KLF6: variants seen among roughly 807,000 people sequenced by gnomAD.
KLF6 encodes the protein KLF transcription factor 6.
For missense variants in KLF6, 233 were observed against 359.8 expected (o/e 0.65, Z 2.85); for synonymous variants, 152 against 147.9 (o/e 1.03, Z -0.20).
rs1192758841 is a variant in KLF6 at position 3,780,569 on chromosome 10, T to C, written c.677-340A>G. The C allele has an allele frequency of 4.0e-5, 16 of 396,422 alleles. No homozygotes were observed. Among genetic ancestry groups the C allele is most frequent in the Non-Finnish European group, 7.7e-5 (16 of 207,248 alleles). 24.6% of individuals were successfully genotyped at this position (396,422 alleles called of 1,614,324 possible). A position where few individuals can be genotyped will look rare whatever the true frequency, so the allele number is the denominator to read the frequency against. Reference sequence around the variant, plus strand: ...CCCACAGCCCCGGCAAAGGCAGAGCTATTGCTTTCTTCATGGCAACTGTTT... The same window carrying C: ...CCCACAGCCCCGGCAAAGGCAGAGCCATTGCTTTCTTCATGGCAACTGTTT... On this transcript the variant is annotated intron_variant, in intron 2 of 3. Transcript: ENST00000497571. The surrounding 1 kb of genome is among the most constrained non-coding windows in gnomAD (Gnocchi z 4.6).
At chr10:3,779,902 C>T (rs888925869) in intron 3 of KLF6, among the ~76,000 whole-genome samples, 1 of 152,252 alleles carries the variant, frequency 6.6e-6, no homozygotes, top group African/African-American at 2.4e-5. Flanking sequence ...ACTCCAATGT[C>T]AGGTGTATGT....
At position 3,781,737 on chromosome 10, in the gene KLF6, C is replaced by G; in HGVS notation, c.580G>C (p.Asp194His). 6.2e-7 allele frequency: 1 copy of G among 1,614,204 alleles called. No homozygotes were observed. Among genetic ancestry groups the G allele is most frequent in the Non-Finnish European group, 8.5e-7 (1 of 1,180,030 alleles). Residue 194 changes from aspartate to histidine, a missense_variant, in exon 2 of 4, where the codon GAC (aspartate) becomes CAC (histidine). Coordinates refer to ENST00000497571, the MANE Select transcript of KLF6 (RefSeq NM_001300.6). This position sits in a 1 kb window ranked among gnomAD's most constrained non-coding sequence, Gnocchi z 5.8. ...CACCGGTGCACCCTCCTCCTGCCGT[C>G]GGGGGAGGCATCGCCATTTCCCTTG... ...GDKGNGDASPDGRRRVHRCHF... is the reference protein window; with the variant it reads ...GDKGNGDASPHGRRRVHRCHF...
At position 3,779,232 on chromosome 10, in the gene KLF6, C is replaced by T. The variant is rs1168476336; in HGVS notation, c.*307G>A. 1.7e-6 allele frequency: 1 copy of T among 580,544 alleles called. No individual in the cohort carries two copies. The highest frequency in any genetic ancestry group is 3.3e-6 in the Non-Finnish European group (1 of 307,426). The allele number at this position is 580,544 out of a possible 1,614,324, so 36.0% of individuals were successfully genotyped here. A position where few individuals can be genotyped will look rare whatever the true frequency, so the allele number is the denominator to read the frequency against. On this transcript the variant is annotated 3_prime_UTR_variant, in exon 4 of 4. Transcript: ENST00000497571. ...CTCATCATACGGTCAGTAATAGATC[C>T]TCAACATACAATCAACCCAACCATT...
Position 3,779,289 on chromosome 10 carries a change from G to T in KLF6, c.*250C>A. ...CTCAGTGTGCATGCTCACGGCAAAG[G>T]CTTAGGCGCCGCTCGGAAGGGCGGG... On this transcript the variant is annotated 3_prime_UTR_variant, in exon 4 of 4. Transcript: ENST00000497571. The T allele has an allele frequency of 1.5e-6, 1 of 648,626 alleles. No homozygotes were observed. The highest frequency in any genetic ancestry group is 1.5e-5 in the South Asian group (1 of 66,156). The allele number at this position is 648,626 out of a possible 1,614,324, so 40.2% of individuals were successfully genotyped here. A position where few individuals can be genotyped will look rare whatever the true frequency, so the allele number is the denominator to read the frequency against.
chr10:3,781,874 G>A lies in KLF6; in HGVS notation c.443C>T (p.Pro148Leu). ...GKLSSSVTSTPPSSPELSREP... is the reference protein window; with the variant it reads ...GKLSSSVTSTLPSSPELSREP... ...CCTGCTCAGTTCCGGAGAAGATGGA[G>A]GCGTGGAGGTGACAGAGGAGCTCAA... Residue 148 changes from proline to leucine, a missense_variant, in exon 2 of 4, where the codon CCT becomes CTT. Physicochemically the swap from Pro to Leu is moderately conservative, Grantham distance 98 (BLOSUM62 -3). Coordinates refer to ENST00000497571, the MANE Select transcript of KLF6 (RefSeq NM_001300.6). This position sits in a 1 kb window ranked among gnomAD's most constrained non-coding sequence, Gnocchi z 5.8. The A allele has an allele frequency of 6.2e-7, 1 of 1,614,226 alleles. No homozygotes were observed. Among genetic ancestry groups the A allele is most frequent in the Non-Finnish European group, 8.5e-7 (1 of 1,180,046 alleles).
rs2131089080 is a variant in KLF6, at chr10:3,776,400, C to G, written c.*3139G>C. 1.9e-6 allele frequency: 1 copy of G among 532,044 alleles called. No homozygotes were observed. The highest frequency in any genetic ancestry group is 3.9e-5 in the East Asian group (1 of 25,500). The allele number at this position is 532,044 out of a possible 1,614,324, so 33.0% of individuals were successfully genotyped here. On this transcript the variant is annotated 3_prime_UTR_variant, in exon 4 of 4. Transcript: ENST00000497571. ...CTGACATCCTCTCCAGCTCCCAGGACAGGCTGTGGAAAGAGGAAGGGGCTG... is the reference window on the plus strand; with the variant it reads ...CTGACATCCTCTCCAGCTCCCAGGAGAGGCTGTGGAAAGAGGAAGGGGCTG...
Position 3,780,023 on chromosome 10 carries a change from G to A in KLF6, c.800+83C>T. The A allele has an allele frequency of 6.5e-7, 1 of 1,538,222 alleles. No homozygotes were observed. The highest frequency in any genetic ancestry group is 9.0e-7 in the Non-Finnish European group (1 of 1,114,574). ...GGAAACTGCATGCCTTCCTTCGAAT[G>A]TGCCCTGCACACCTACTCAACCCTG... On this transcript the variant is annotated intron_variant, in intron 3 of 3. Coordinates refer to ENST00000497571, the MANE Select transcript of KLF6 (RefSeq NM_001300.6). The surrounding 1 kb of genome is among the most constrained non-coding windows in gnomAD (Gnocchi z 4.6).
Position 3,782,140 on chromosome 10 carries a change from G to A in KLF6, c.177C>T (p.Ser59=), listed in dbSNP as rs777231476. 3.1e-6 allele frequency: 5 copies of A among 1,613,694 alleles called. No individual in the cohort carries two copies. Among genetic ancestry groups the A allele is most frequent in the East Asian group, 2.2e-5 (1 of 44,878 alleles). ...YVSASEIKFD[S]QEDLWTKIIL... Reference sequence around the variant, plus strand: ...TGATTTTGGTCCACAGATCTTCCTGGCTGTCAAATTTGATTTCTGAGGCTG... The same window carrying A: ...TGATTTTGGTCCACAGATCTTCCTGACTGTCAAATTTGATTTCTGAGGCTG... Residue 59 remains serine, a synonymous_variant, in exon 2 of 4, where the codon AGC becomes AGT. Transcript: ENST00000497571. This position sits in a 1 kb window ranked among gnomAD's most constrained non-coding sequence, Gnocchi z 4.3.
rs1039504110 is a variant in KLF6, at chr10:3,781,837, T to C, written c.480A>G (p.Gln160=). The change falls in exon 2 of 4, where the codon CAA becomes CAG. Residue 160 remains glutamine, a synonymous_variant. Transcript: ENST00000497571. The surrounding 1 kb of genome is among the most constrained non-coding windows in gnomAD (Gnocchi z 5.8). ...GCTCCCCGGGCACGCAACCCCACAG[T>C]TGAGAAGGTTCCCTGCTCAGTTCCG... ...SSPELSREPS[Q]LWGCVPGELP... is the part of the protein sequence containing the mutation. The C allele has an allele frequency of 2.9e-5, 47 of 1,614,102 alleles. No individual in the cohort carries two copies. Among genetic ancestry groups the C allele is most frequent in the Non-Finnish European group, 3.9e-5 (46 of 1,180,052 alleles).
chr10:3,778,133 T>G lies in KLF6; in HGVS notation c.*1406A>C. On this transcript the variant is annotated 3_prime_UTR_variant, in exon 4 of 4. Transcript: ENST00000497571. ...ACAAATACTGACATGTAAAGGGAGTTTCACTCTATGTCTTTGTGAAGGAGG... is the reference window on the plus strand; with the variant it reads ...ACAAATACTGACATGTAAAGGGAGTGTCACTCTATGTCTTTGTGAAGGAGG... 1 of 518,870 alleles carries G rather than the reference T, an allele frequency of 1.9e-6. No individual in the cohort carries two copies. The highest frequency in any genetic ancestry group is 2.2e-5 in the Admixed American group (1 of 44,510). The allele number at this position is 518,870 out of a possible 1,614,324, so 32.1% of individuals were successfully genotyped here.
intron 1 of KLF6, among the ~76,000 whole-genome samples, chr10:3,784,388 CAAAT>C (rs1832600289): frequency 1.3e-5 from 2 of 151,808 alleles, no homozygotes; most frequent in Admixed American, 6.6e-5. Flanking sequence ...GCAGGGAAGA[CAAAT>C]AAGGCAGATC....
At position 3,781,979 on chromosome 10, in the gene KLF6, G is replaced by C. The variant is rs779866252; in HGVS notation, c.338C>G (p.Ser113Cys). The change falls in exon 2 of 4, where the codon TCT becomes TGT. Residue 113 changes from serine (S) to cysteine (C), a missense_variant. Transcript: ENST00000497571. This position sits in a 1 kb window ranked among gnomAD's most constrained non-coding sequence, Gnocchi z 5.8. ...GGGAGAAAGTTCCTCGGAGCTGTCA[G>C]AGGATTCGCTGCTGACATCTGAGTT... is the stretch of plus-strand genomic sequence containing the variant. ...SLNSDVSSESSDSSEELSPTA... is the reference protein window; with the variant it reads ...SLNSDVSSESCDSSEELSPTA... The C allele has an allele frequency of 1.2e-6, 2 of 1,614,254 alleles. No individual in the cohort carries two copies. The highest frequency in any genetic ancestry group is 2.2e-5 in the South Asian group (2 of 91,086).
At position 3,782,868 on chromosome 10, in the gene KLF6, A is replaced by T. The variant is rs1368131492; in HGVS notation, c.103-654T>A. ...TATGTTTTCACAGAATGCCGTTCCC[A>T]AGTGCAGGCCCTTGCATGACACAGA... On this transcript the variant is annotated intron_variant, in intron 1 of 3. Coordinates refer to ENST00000497571, the MANE Select transcript of KLF6 (RefSeq NM_001300.6). This position sits in a 1 kb window ranked among gnomAD's most constrained non-coding sequence, Gnocchi z 4.3. Among the ~76,000 whole-genome samples, 4 of 152,234 alleles carry T rather than the reference A, an allele frequency of 2.6e-5. No homozygotes were observed. Among genetic ancestry groups the T allele is most frequent in the Non-Finnish European group, 5.9e-5 (4 of 68,032 alleles).
intron 1 of KLF6, among the ~76,000 whole-genome samples, chr10:3,783,616 C>CT (rs1421457685): frequency 6.6e-6 from 1 of 152,214 alleles, no homozygotes; most frequent in Non-Finnish European, 1.5e-5. Context: ...AACCAGGCGT[C>CT]TGAGTTACAA....
In KLF6 at chr10:3,781,784, C is replaced by A. The variant is rs754239177; in HGVS notation, c.533G>T (p.Gly178Val). The change falls in exon 2 of 4, where the codon GGG becomes GTG. Residue 178 changes from glycine to valine, a missense_variant. Physicochemically the swap from Gly to Val is moderately radical, Grantham distance 109. Transcript: ENST00000497571. The surrounding 1 kb of genome is among the most constrained non-coding windows in gnomAD (Gnocchi z 5.8). ...ELPSPGKVRS[G>V]TSGKPGDKGN... ...CTTGTCACCTGGCTTCCCCGAAGTCCCGCTGCGCACCTTCCCTGGCGAGGG... is the reference window on the plus strand; with the variant it reads ...CTTGTCACCTGGCTTCCCCGAAGTCACGCTGCGCACCTTCCCTGGCGAGGG... The A allele has an allele frequency of 6.2e-7, 1 of 1,614,244 alleles. No individual in the cohort carries two copies. Among genetic ancestry groups the A allele is most frequent in the Non-Finnish European group, 8.5e-7 (1 of 1,180,046 alleles).
chr10:3,776,119 G>C lies in KLF6; in HGVS notation c.*3420C>G, dbSNP rs188211173. Reference sequence around the variant, plus strand: ...ACCCCTCCCAGACATGCCTCAGCCAGGTGTGTGGCAGGGCTGGCTGGGGAA... The same window carrying C: ...ACCCCTCCCAGACATGCCTCAGCCACGTGTGTGGCAGGGCTGGCTGGGGAA... On this transcript the variant is annotated 3_prime_UTR_variant, in exon 4 of 4. Coordinates refer to ENST00000497571, the MANE Select transcript of KLF6 (RefSeq NM_001300.6). The C allele has an allele frequency of 3.8e-6, 2 of 530,270 alleles. No individual in the cohort carries two copies. The highest frequency in any genetic ancestry group is 3.9e-5 in the East Asian group (1 of 25,366). The allele number at this position is 530,270 out of a possible 1,614,324, so 32.8% of individuals were successfully genotyped here.
intron 1 of KLF6, chr10:3,783,411 C>A (rs1281316272): frequency 6.6e-6 from 1 of 152,254 alleles, no homozygotes; most frequent in Non-Finnish European, 1.5e-5. Context: ...ATTTCAGTTT[C>A]TACACCAAAC....
At chr10:3,779,967 TC>T in intron 3 of KLF6, 138 bp downstream of exon 3, 2 of 1,125,966 alleles carry the variant, frequency 1.8e-6, no homozygotes, top group South Asian at 1.3e-5. Context: ...TTCTAAAAAG[TC>T]CCAGGCTTGA....
Position 3,776,577 on chromosome 10 carries a change from A to G in KLF6, c.*2962T>C, listed in dbSNP as rs1423346328. ...ATGCTGATAAGAATTCTTTTATGTT[A>G]TTCCAATAAAAAATACATTCATACA... On this transcript the variant is annotated 3_prime_UTR_variant, in exon 4 of 4. Coordinates refer to ENST00000497571, the MANE Select transcript of KLF6 (RefSeq NM_001300.6). The G allele has an allele frequency of 1.5e-5, 8 of 521,494 alleles. No homozygotes were observed. The highest frequency in any genetic ancestry group is 2.6e-5 in the Non-Finnish European group (7 of 269,284). The allele number at this position is 521,494 out of a possible 1,614,324, so 32.3% of individuals were successfully genotyped here.
Sources: gnomAD v4.1 joint callset for allele counts (sites outside exome capture counted in the v4.1 genomes callset) on GRCh38, gnomAD v4.1.1 for gene constraint, Gnocchi (gnomAD v3.1) non-coding constraint, MANE v1.5 for transcripts, NCBI Gene and HGNC (gene_info 2026-07-23, HGNC 2026-07-21) for gene names.